MTREX: variants seen among roughly 807,000 people sequenced by gnomAD.
The protein encoded by MTREX is Mtr4 exosome RNA helicase.
A neutral mutation model predicts 135.4 loss-of-function variants in MTREX; 76 were observed. That is an observed-to-expected ratio of 0.56 (90% CI 0.47 to 0.68). MTREX has a LOEUF of 0.68. MTREX is among the 30% of genes least tolerant of loss of function. The probability of loss-of-function intolerance (pLI) is 0.00; values close to 1 mark genes in which losing one functional copy is unlikely to be tolerated. For missense variants in MTREX, 920 were observed against 1,262.1 expected, an observed-to-expected ratio of 0.73 and a Z score of 4.11; for synonymous variants, 404 against 401.6, an observed-to-expected ratio of 1.01 and a Z score of -0.07.
At chr5:55,334,468 G>C (rs192554680) in intron 5 of MTREX, among the ~76,000 whole-genome samples, 2 of 152,016 alleles carry the variant, frequency 1.3e-5, no homozygotes, top group African/African-American at 4.8e-5. Context: ...ACTATAGCAG[G>C]GTGCAACATT....
intron 23 of MTREX, among the ~76,000 whole-genome samples, chr5:55,413,430 G>GTAAC (rs59270239): frequency 0.86 from 130,360 of 151,680 alleles, 56,398 homozygotes; most frequent in South Asian, 0.92. Context: ...TTTTTGTACA[G>GTAAC]TACCTTTGTC....
At chr5:55,369,992 C>T (rs141740487) in intron 16 of MTREX, among the ~76,000 whole-genome samples, 8 of 151,524 alleles carry the variant, frequency 5.3e-5, no homozygotes, top group Admixed American at 4.6e-4. Context: ...GGCACGATCT[C>T]GGCTCACCCC....
intron 15 of MTREX, among the ~76,000 whole-genome samples, chr5:55,359,199 T>C (rs1579868703): frequency 1.3e-5 from 2 of 152,228 alleles, no homozygotes; most frequent in African/African-American, 4.8e-5. Flanking sequence ...TATTGCAGAT[T>C]AGACTTTTAT....
intron 16 of MTREX, among the ~76,000 whole-genome samples, chr5:55,371,502 A>G (rs116339164): frequency 6.6e-6 from 1 of 152,276 alleles, no homozygotes; most frequent in Non-Finnish European, 1.5e-5. Context: ...TTTACATGCT[A>G]TCTTCTGAAA....
chr5:55,317,992 A>G (rs1579845148), intron 1 of MTREX, among the ~76,000 whole-genome samples: 1 of 152,236 alleles, frequency 6.6e-6, no homozygotes, highest in Non-Finnish European at 1.5e-5. Flanking sequence ...AAGAAGACAT[A>G]CATGGGGCCA....
chr5:55,376,843 G>T (rs1373640381), intron 16 of MTREX, among the ~76,000 whole-genome samples: 1 of 152,292 alleles, frequency 6.6e-6, no homozygotes, highest in South Asian at 2.1e-4. Flanking sequence ...GCCAAGGCAG[G>T]TGGATCACTT....
intron 2 of MTREX, among the ~76,000 whole-genome samples, chr5:55,322,920 G>T (rs1016918556): frequency 6.6e-6 from 1 of 152,086 alleles, no homozygotes; most frequent in African/African-American, 2.4e-5. Context: ...GGCTGGAATC[G>T]CTGGTATTTA....
At chr5:55,358,756 C>T in intron 15 of MTREX, 58 bp downstream of exon 15, 6 of 1,422,062 alleles carry the variant, frequency 4.2e-6, no homozygotes, top group Non-Finnish European at 5.7e-6. Context: ...ACTTCAGGAG[C>T]CATTTCAGAA....
At chr5:55,373,186 T>A (rs1016428547) in intron 16 of MTREX, among the ~76,000 whole-genome samples, 4 of 151,528 alleles carry the variant, frequency 2.6e-5, no homozygotes, top group Admixed American at 6.6e-5. Flanking sequence ...TACTTTGTCT[T>A]ATTATAGGTC....
At chr5:55,332,181 A>C (rs930076159) in intron 5 of MTREX, among the ~76,000 whole-genome samples, 2 of 152,204 alleles carry the variant, frequency 1.3e-5, no homozygotes, top group African/African-American at 4.8e-5. Context: ...CAAGATCACC[A>C]GGTGATGAAT....
At chr5:55,349,892 G>A (rs987746988) in intron 12 of MTREX, among the ~76,000 whole-genome samples, 16 of 152,198 alleles carry the variant, frequency 1.1e-4, no homozygotes, top group African/African-American at 3.9e-4. Flanking sequence ...ATTACTGCTA[G>A]TGTTCTCAGT....
chr5:55,387,949 G>A, intron 18 of MTREX, 25 bp from the exon 19 acceptor site: 1 of 1,554,718 alleles, frequency 6.4e-7, no homozygotes, highest in Non-Finnish European at 8.8e-7. Flanking sequence ...AAGAATGAAT[G>A]AACATCTTCT....
In MTREX at chr5:55,336,580, T is replaced by C. The variant is rs79652410; in HGVS notation, c.516-3430T>C. On this transcript the variant is annotated intron_variant, in intron 5 of 26. Transcript: ENST00000230640. ...TATTCCTGGAATAAATCTGGTTGTTTATGGCAGATGATCATTTGTGTATGT... is the reference window on the plus strand; with the variant it reads ...TATTCCTGGAATAAATCTGGTTGTTCATGGCAGATGATCATTTGTGTATGT... 2.6e-4 allele frequency among the ~76,000 whole-genome samples: 39 copies of C among 152,326 alleles called. No homozygotes were observed. The East Asian group carries it at 6.6e-3, about 26-fold the overall frequency.
At chr5:55,392,022 A>C (rs957066601) in intron 19 of MTREX, among the ~76,000 whole-genome samples, 1 of 152,162 alleles carries the variant, frequency 6.6e-6, no homozygotes, top group African/African-American at 2.4e-5. Flanking sequence ...GCAGCAGGCA[A>C]GCGGGCCCCA....
chr5:55,308,676 TTA>T (rs1302975433), intron 1 of MTREX, among the ~76,000 whole-genome samples: 1 of 152,194 alleles, frequency 6.6e-6, no homozygotes, highest in Non-Finnish European at 1.5e-5. Flanking sequence ...CTAACAGTGG[TTA>T]GCTAGCTATC....
chr5:55,308,431 A>G (rs1579838735), intron 1 of MTREX, among the ~76,000 whole-genome samples: 1 of 152,216 alleles, frequency 6.6e-6, no homozygotes. Context: ...CTGCATCAGC[A>G]CAACACCTGG....
Position 55,425,316 on chromosome 5 carries a change from A to C in MTREX, c.*544A>C. The C allele has an allele frequency of 6.2e-7, 1 of 1,605,050 alleles. No homozygotes were observed. Among genetic ancestry groups the C allele is most frequent in the Non-Finnish European group, 8.5e-7 (1 of 1,172,262 alleles). ...TTAAAAGAAGTTCTTTCTTTGAAGA[A>C]ATCCGATACATATACAGCCTACAGT... On this transcript the variant is annotated 3_prime_UTR_variant, in exon 27 of 27. Coordinates refer to ENST00000230640, the MANE Select transcript of MTREX (RefSeq NM_015360.5).
At chr5:55,415,315 A>G (rs1461315490) in intron 24 of MTREX, among the ~76,000 whole-genome samples, 1 of 152,140 alleles carries the variant, frequency 6.6e-6, no homozygotes, top group African/African-American at 2.4e-5. Flanking sequence ...AAGTTTACCT[A>G]GATAAGAAAC....
At chr5:55,407,598 A>G (rs1337070920) in intron 22 of MTREX, among the ~76,000 whole-genome samples, 1 of 152,164 alleles carries the variant, frequency 6.6e-6, no homozygotes, top group Non-Finnish European at 1.5e-5. Context: ...GCATCATCCT[A>G]GACTCCTTCT....
Sources: gnomAD v4.1 joint callset for allele counts (sites outside exome capture counted in the v4.1 genomes callset) on GRCh38, gnomAD v4.1.1 for gene constraint, MANE v1.5 for transcripts, NCBI Gene and HGNC (gene_info 2026-07-23, HGNC 2026-07-21) for gene names.